The following FAF1 variants were observed in gnomAD, a reference collection of about 807,000 sequenced individuals.
FAF1 encodes FAS-associated factor 1.
In FAF1, 25 loss-of-function variants were observed where a neutral mutation model predicts 92.5. The observed-to-expected ratio is 0.27, with a 90% CI of 0.20 to 0.38. FAF1 has a LOEUF of 0.38. Ranked by LOEUF, FAF1 falls within the 10% of genes least tolerant of loss-of-function variation. The pLI, the probability that FAF1 is intolerant of heterozygous loss-of-function variation, is 1.00. For synonymous variants in FAF1, 234 were observed against 273.2 expected (o/e 0.86, Z 1.42); for missense variants, 636 against 793.3 (o/e 0.80, Z 2.38).
At chr1:50,742,315 TA>T (rs1557504427) in intron 5 of FAF1, among the ~76,000 whole-genome samples, 4 of 140,878 alleles carry the variant, frequency 2.8e-5, no homozygotes, top group African/African-American at 1.1e-4. Flanking sequence ...ACTCATCTCA[TA>T]AAAAGAAAAA....
intron 9 of FAF1, 66 bp downstream of exon 9, chr1:50,596,055 A>T: frequency 3.0e-6 from 3 of 994,720 alleles, no homozygotes; most frequent in Non-Finnish European, 4.7e-6. Context: ...ATAAAAAAAA[A>T]GGGAAGTGCG....
chr1:50,890,284 C>T (rs930973916), intron 1 of FAF1, among the ~76,000 whole-genome samples: 2 of 152,172 alleles, frequency 1.3e-5, no homozygotes, highest in African/African-American at 2.4e-5. Flanking sequence ...TTCCTGAATA[C>T]AGCACACTGA....
chr1:50,701,602 T>A (rs1359613704), intron 7 of FAF1, among the ~76,000 whole-genome samples: 1 of 152,082 alleles, frequency 6.6e-6, no homozygotes, highest in Non-Finnish European at 1.5e-5. Flanking sequence ...AAGTAGCAAG[T>A]AGAATAATAG....
chr1:50,770,738 A>G (rs1660747413), intron 4 of FAF1, among the ~76,000 whole-genome samples: 1 of 152,232 alleles, frequency 6.6e-6, no homozygotes, highest in Non-Finnish European at 1.5e-5. Flanking sequence ...TCTTCACACA[A>G]TTAGAAAAGA....
At chr1:50,558,959 A>C (rs1649729389) in intron 13 of FAF1, among the ~76,000 whole-genome samples, 1 of 152,180 alleles carries the variant, frequency 6.6e-6, no homozygotes, top group Non-Finnish European at 1.5e-5. Flanking sequence ...TTAAAAGGAT[A>C]ATCTATTTTG....
intron 4 of FAF1, among the ~76,000 whole-genome samples, chr1:50,749,306 C>G (rs182398757): frequency 6.6e-6 from 1 of 152,258 alleles, no homozygotes; most frequent in African/African-American, 2.4e-5. Context: ...CTTGAAAACA[C>G]TCTGAGCCCT....
At chr1:50,766,812 A>AG (rs1297110311) in intron 4 of FAF1, among the ~76,000 whole-genome samples, 1 of 150,396 alleles carries the variant, frequency 6.6e-6, no homozygotes, top group Non-Finnish European at 1.5e-5. Flanking sequence ...AAAAAAAAAA[A>AG]CCACACATCC....
intron 1 of FAF1, among the ~76,000 whole-genome samples, chr1:50,874,686 T>G (rs1644555020): frequency 6.6e-6 from 1 of 151,874 alleles, no homozygotes; most frequent in South Asian, 2.1e-4. Flanking sequence ...CAAACCCACT[T>G]TCTAAAAAAG....
At chr1:50,592,045 G>A (rs1418012723) in intron 9 of FAF1, among the ~76,000 whole-genome samples, 1 of 152,096 alleles carries the variant, frequency 6.6e-6, no homozygotes, top group Non-Finnish European at 1.5e-5. Flanking sequence ...TAGGGCTACA[G>A]AGGGGAGAAA....
chr1:50,653,429 C>T (rs1654955541), intron 8 of FAF1, among the ~76,000 whole-genome samples: 1 of 152,160 alleles, frequency 6.6e-6, no homozygotes, highest in Admixed American at 6.5e-5. Context: ...TGGCTCACTG[C>T]AACCTCCCCC....
intron 7 of FAF1, among the ~76,000 whole-genome samples, chr1:50,705,459 C>A (rs1012637437): frequency 2.0e-5 from 3 of 152,160 alleles, no homozygotes; most frequent in Non-Finnish European, 4.4e-5. Flanking sequence ...TAAGCATCCT[C>A]CAAAATGAAT....
intron 3 of FAF1, 59 bp downstream of exon 3, chr1:50,801,572 G>T: frequency 1.1e-6 from 1 of 922,960 alleles, no homozygotes. Context: ...AAAATTAACA[G>T]CTAGCTCTGT....
chr1:50,886,534 C>G lies in FAF1; in HGVS notation c.46-28537G>C, dbSNP rs186116857. On this transcript the variant is annotated intron_variant, in intron 1 of 18. Transcript: ENST00000396153. ...CTAATGCTATCCCTCCCCACTCCCC[C>G]CACCCCACAACAGGCCCCGGTGTGT... is the stretch of plus-strand genomic sequence containing the variant. Among the ~76,000 whole-genome samples the G allele has an allele frequency of 4.4e-3, 675 of 152,190 alleles. 8 individuals are homozygous for G. Among genetic ancestry groups the G allele is most frequent in the African/African-American group, 0.015 (611 of 41,526 alleles).
intron 13 of FAF1, among the ~76,000 whole-genome samples, chr1:50,548,076 A>G (rs1361775353): frequency 3.3e-5 from 5 of 152,224 alleles, no homozygotes; most frequent in Non-Finnish European, 2.9e-5. Context: ...CAGGGCCTGA[A>G]TAAGAGAGCC....
intron 7 of FAF1, among the ~76,000 whole-genome samples, chr1:50,700,429 G>A (rs1427029034): frequency 1.3e-5 from 2 of 152,060 alleles, no homozygotes; most frequent in Non-Finnish European, 2.9e-5. Context: ...CTGGTCAAAA[G>A]CAAAACAAGC....
At chr1:50,843,999 A>G (rs1328432416) in intron 2 of FAF1, among the ~76,000 whole-genome samples, 3 of 152,170 alleles carry the variant, frequency 2.0e-5, no homozygotes, top group Admixed American at 6.5e-5. Flanking sequence ...TCCCACCAAC[A>G]GGGTTCAAGT....
chr1:50,680,282 G>A (rs1426016448), intron 7 of FAF1, among the ~76,000 whole-genome samples: 1 of 151,922 alleles, frequency 6.6e-6, no homozygotes, highest in African/African-American at 2.4e-5. Context: ...CTTAAATAAG[G>A]TACATTTTAT....
chr1:50,960,047 G>A lies in FAF1; in HGVS notation c.-236C>T. On this transcript the variant is annotated 5_prime_UTR_variant, in exon 1 of 19. Coordinates refer to ENST00000396153, the MANE Select transcript of FAF1 (RefSeq NM_007051.3). ...CGCCCGCCTGCAACCTGCGGAGCCCGCGTCGCAGCAGCCCGGACAGGAAGA... is the reference window on the plus strand; with the variant it reads ...CGCCCGCCTGCAACCTGCGGAGCCCACGTCGCAGCAGCCCGGACAGGAAGA... 2.5e-6 allele frequency: 1 copy of A among 395,500 alleles called. No individual in the cohort carries two copies. Among genetic ancestry groups the A allele is most frequent in the Non-Finnish European group, 4.5e-6 (1 of 224,080 alleles). The allele number at this position is 395,500 out of a possible 1,614,324, so 24.5% of individuals were successfully genotyped here.
rs1659199036 is a variant in FAF1 at position 50,737,702 on chromosome 1, A to G, written c.551+1161T>C. On this transcript the variant is annotated intron_variant, in intron 6 of 18. Transcript: ENST00000396153. The stretch of plus-strand genomic sequence containing the variant: ...TATTAACAGACCATCCAATACAACT[A>G]CACAAGATTTAACTTTTTCAGTTCA... Among the ~76,000 whole-genome samples the G allele has an allele frequency of 2.0e-5, 3 of 152,328 alleles. No individual in the cohort carries two copies. The South Asian group carries it at 6.2e-4, about 32-fold the overall frequency.
Sources: gnomAD v4.1 joint callset for allele counts (sites outside exome capture counted in the v4.1 genomes callset) on GRCh38, gnomAD v4.1.1 for gene constraint, MANE v1.5 for transcripts, NCBI Gene and HGNC (gene_info 2026-07-23, HGNC 2026-07-21) for gene names.